Variants in IL1RAPL1 observed in about 807,000 individuals in gnomAD.
The protein encoded by IL1RAPL1 is interleukin-1 receptor accessory protein-like 1.
In IL1RAPL1, 3 loss-of-function variants were observed where a neutral mutation model predicts 48.4. The ratio of observed to expected loss-of-function variants is 0.06; its 90% confidence interval spans 0.03 to 0.16. The LOEUF (loss-of-function observed/expected upper bound fraction) is 0.16. Among genes scored for constraint, IL1RAPL1 ranks in the 10% least tolerant of loss-of-function variants. IL1RAPL1 has a pLI of 1.00. For synonymous variants in IL1RAPL1, 185 were observed against 187.7 expected (o/e 0.99, Z 0.12); for missense variants, 349 against 530.6 (o/e 0.66, Z 3.36).
chrX:28,741,340 T>A (rs1343034552), intron 1 of IL1RAPL1, among the ~76,000 whole-genome samples: 1 of 111,928 alleles, frequency 8.9e-6, no homozygotes, highest in Non-Finnish European at 1.9e-5. Flanking sequence ...TGTATGTCTT[T>A]TTTTGAGAAG....
intron 6 of IL1RAPL1, among the ~76,000 whole-genome samples, chrX:29,826,352 T>C (rs913800619): frequency 1.8e-5 from 2 of 111,996 alleles, no homozygotes; most frequent in South Asian, 3.7e-4. Flanking sequence ...TCAGTGGTTT[T>C]GGGGTGGGGG....
intron 5 of IL1RAPL1, among the ~76,000 whole-genome samples, chrX:29,422,330 G>A (rs1451344909): frequency 9.0e-6 from 1 of 110,985 alleles, no homozygotes; most frequent in East Asian, 2.8e-4. Flanking sequence ...ATTTGCGGGC[G>A]GGGAGAGGGA....
At position 28,635,342 on chromosome X, in the gene IL1RAPL1, A is replaced by G. The variant is rs192022937; in HGVS notation, c.-25+47295A>G. The stretch of plus-strand genomic sequence containing the variant: ...ATCTCAGATTTTGTTATAGACATCA[A>G]TGACTTACGATGATTTGATCTTTGA... On this transcript the variant is annotated intron_variant, in intron 1 of 10. Coordinates refer to ENST00000378993, the MANE Select transcript of IL1RAPL1 (RefSeq NM_014271.4). Among the ~76,000 whole-genome samples, 197 of 111,850 alleles carry G rather than the reference A, an allele frequency of 1.8e-3. 1 individual carries two copies. Among genetic ancestry groups the G allele is most frequent in the Non-Finnish European group, 2.6e-3 (140 of 53,174 alleles).
chrX:29,399,402 G>T, intron 5 of IL1RAPL1, 94 bp downstream of exon 5: 1 of 718,140 alleles, frequency 1.4e-6, no homozygotes, highest in East Asian at 3.3e-5. Flanking sequence ...ACTCTCTAAA[G>T]AATTACATAA....
At chrX:29,191,728 C>T (rs1174569887) in intron 2 of IL1RAPL1, among the ~76,000 whole-genome samples, 1 of 111,193 alleles carries the variant, frequency 9.0e-6, no homozygotes, top group African/African-American at 3.3e-5. Context: ...GAGGTAGCAC[C>T]GACCTCCCCC....
intron 1 of IL1RAPL1, among the ~76,000 whole-genome samples, chrX:28,633,840 A>G: frequency 8.9e-6 from 1 of 112,043 alleles, no homozygotes; most frequent in Non-Finnish European, 1.9e-5. Context: ...TTAATTTGTT[A>G]AAGTTTTATT....
intron 5 of IL1RAPL1, 99 bp downstream of exon 5, chrX:29,399,407 A>G: frequency 2.9e-6 from 2 of 698,423 alleles, no homozygotes; most frequent in Non-Finnish European, 4.4e-6. Flanking sequence ...CTAAAGAATT[A>G]CATAATCAAA....
rs183510742 is a variant in IL1RAPL1, at chrX:28,726,143, A to G, written c.-24-63177A>G. On this transcript the variant is annotated intron_variant, in intron 1 of 10. Coordinates refer to ENST00000378993, the MANE Select transcript of IL1RAPL1 (RefSeq NM_014271.4). ...GATTCATGTGAATGAACTTAAAAAG[A>G]CAGTTTTGATGATCATTCTGTTGAG... is the stretch of plus-strand genomic sequence containing the variant. Among the ~76,000 whole-genome samples, 28 of 112,036 alleles carry G rather than the reference A, an allele frequency of 2.5e-4. No individual in the cohort carries two copies. In the East Asian group the frequency reaches 5.3e-3, roughly 21 times the overall value.
At chrX:29,662,521 G>T (rs1265964508) in intron 5 of IL1RAPL1, among the ~76,000 whole-genome samples, 2 of 111,892 alleles carry the variant, frequency 1.8e-5, no homozygotes, top group East Asian at 5.6e-4. Context: ...AGTTTTGTCT[G>T]TCTTGTTCAC....
At chrX:29,249,048 G>A (rs908414606) in intron 2 of IL1RAPL1, among the ~76,000 whole-genome samples, 2 of 111,373 alleles carry the variant, frequency 1.8e-5, no homozygotes, top group African/African-American at 3.3e-5. Context: ...CGAAACAACG[G>A]TTATAGTACG....
At chrX:28,899,516 C>T (rs1244683189) in intron 2 of IL1RAPL1, among the ~76,000 whole-genome samples, 1 of 111,787 alleles carries the variant, frequency 8.9e-6, no homozygotes, top group Non-Finnish European at 1.9e-5. Flanking sequence ...ATTATAAGTG[C>T]ATTCTAACTG....
chrX:29,423,741 T>C (rs7882772), intron 5 of IL1RAPL1, among the ~76,000 whole-genome samples: 1,427 of 111,748 alleles, frequency 0.013, 19 homozygotes, highest in African/African-American at 0.044. Flanking sequence ...CTAGCATTTA[T>C]TGAATGTCTA....
intron 2 of IL1RAPL1, among the ~76,000 whole-genome samples, chrX:29,122,409 T>TCTTACA (rs60632925): frequency 1.5e-5 from 1 of 64,569 alleles, no homozygotes; most frequent in African/African-American, 7.8e-5. Flanking sequence ...TCTCTCTCTC[T>TCTTACA]CACACACACA....
chrX:28,789,749 T>C (rs1936514282), intron 2 of IL1RAPL1, among the ~76,000 whole-genome samples: 1 of 112,090 alleles, frequency 8.9e-6, no homozygotes, highest in African/African-American at 3.2e-5. Context: ...TGCATGGAAA[T>C]ATTATTGTAT....
chrX:29,070,611 A>G (rs916997652), intron 2 of IL1RAPL1, among the ~76,000 whole-genome samples: 1 of 111,572 alleles, frequency 9.0e-6, no homozygotes, highest in African/African-American at 3.3e-5. Flanking sequence ...AACCTGATAC[A>G]TCATGCACCA....
At chrX:29,633,943 T>C (rs1924878734) in intron 5 of IL1RAPL1, among the ~76,000 whole-genome samples, 1 of 111,627 alleles carries the variant, frequency 9.0e-6, no homozygotes, top group East Asian at 2.8e-4. Context: ...CATTCACAGG[T>C]TCCTGGGTGA....
intron 2 of IL1RAPL1, among the ~76,000 whole-genome samples, chrX:28,827,576 T>G (rs1403147890): frequency 1.8e-5 from 2 of 111,963 alleles, no homozygotes; most frequent in African/African-American, 3.2e-5. Context: ...AAATTTTACC[T>G]TTACCTACAG....
At chrX:29,340,664 A>G (rs1003889656) in intron 3 of IL1RAPL1, among the ~76,000 whole-genome samples, 1 of 111,911 alleles carries the variant, frequency 8.9e-6, no homozygotes, top group African/African-American at 3.3e-5. Context: ...CAATTTTCTT[A>G]CAGACAGCTG....
intron 2 of IL1RAPL1, among the ~76,000 whole-genome samples, chrX:29,019,615 G>A (rs751723821): frequency 8.1e-5 from 9 of 111,374 alleles, no homozygotes; most frequent in Non-Finnish European, 1.5e-4. Flanking sequence ...GAGGTAGTTG[G>A]TGTTGATTTA....
Sources: allele counts gnomAD v4.1 joint callset (sites outside exome capture counted in the v4.1 genomes callset), GRCh38; gene constraint gnomAD v4.1.1; transcripts MANE v1.5; gene names NCBI Gene and HGNC (gene_info 2026-07-23, HGNC 2026-07-21).